PCCA: variants seen among roughly 807,000 people sequenced by gnomAD.
The protein encoded by PCCA is propionyl-CoA carboxylase alpha chain, mitochondrial.
Under a neutral mutation model 101.3 loss-of-function variants are expected in PCCA, and 74 were observed. The ratio of observed to expected loss-of-function variants is 0.73; its 90% CI spans 0.61 to 0.89. The LOEUF is 0.89. Ranked by LOEUF, PCCA falls within the 40% of genes least tolerant of loss-of-function variation. PCCA has a pLI of 0.00. For synonymous variants in PCCA, 294 were observed against 313.6 expected, an observed-to-expected ratio of 0.94 and a Z score of 0.66; for missense variants, 891 against 907.0, an observed-to-expected ratio of 0.98 and a Z score of 0.23.
chr13:100,251,939 T>TC (rs1203569984), intron 8 of PCCA, among the ~76,000 whole-genome samples: 4 of 152,064 alleles, frequency 2.6e-5, no homozygotes, highest in East Asian at 1.9e-4. Context: ...CATGAAGAAC[T>TC]CCCCCCGCCA....
At chr13:100,184,947 T>G (rs2057123345) in intron 6 of PCCA, among the ~76,000 whole-genome samples, 1 of 152,242 alleles carries the variant, frequency 6.6e-6, no homozygotes, top group Admixed American at 6.5e-5. Flanking sequence ...TTAACTGAAA[T>G]CTATCTGTTT....
At position 100,307,229 on chromosome 13, in the gene PCCA, T is replaced by C. The variant is rs763908302; in HGVS notation, c.1322T>C (p.Ile441Thr). The change falls in exon 15 of 24, where the codon ATT (isoleucine) becomes ACT (threonine). Residue 441 changes from isoleucine (I) to threonine (T), a missense_variant. Transcript: ENST00000376285. ...VDSGIQPGSD[I>T]SIYYDPMISK... ...AGTGGCATCCAACCAGGAAGTGATATTAGCATTTATTATGATCCTATGATT... is the reference window on the plus strand; with the variant it reads ...AGTGGCATCCAACCAGGAAGTGATACTAGCATTTATTATGATCCTATGATT... 1 of 1,609,364 alleles carries C rather than the reference T, an allele frequency of 6.2e-7. No individual in the cohort carries two copies. The highest frequency in any genetic ancestry group is 2.2e-5 in the East Asian group (1 of 44,830).
chr13:100,169,080 C>G (rs761319576), intron 6 of PCCA, among the ~76,000 whole-genome samples: 28 of 152,052 alleles, frequency 1.8e-4, no homozygotes, highest in Non-Finnish European at 3.7e-4. Flanking sequence ...AATTTAGAAA[C>G]AAAACCCTCT....
At chr13:100,131,782 C>G (rs1472552196) in intron 4 of PCCA, among the ~76,000 whole-genome samples, 1 of 152,164 alleles carries the variant, frequency 6.6e-6, no homozygotes, top group African/African-American at 2.4e-5. Context: ...TGAAGATGCT[C>G]CACATCTTTT....
At chr13:100,363,691 T>G (rs2074876600) in intron 18 of PCCA, among the ~76,000 whole-genome samples, 2 of 152,202 alleles carry the variant, frequency 1.3e-5, no homozygotes. Context: ...TAGCATTGTT[T>G]TAACTCAGTA....
intron 22 of PCCA, among the ~76,000 whole-genome samples, chr13:100,525,600 C>T (rs968820455): frequency 3.9e-5 from 6 of 152,378 alleles, no homozygotes; most frequent in South Asian, 4.1e-4. Flanking sequence ...GAGTTGCTAA[C>T]GCACTCACTT....
Position 100,251,546 on chromosome 13 carries a change from A to G in PCCA, c.638-6049A>G, listed in dbSNP as rs367956458. The stretch of plus-strand genomic sequence containing the variant: ...TCTTTGTCTTTATGTTTTTTTAATC[A>G]TTGTGCAGTGAACAATGTAGATATT... On this transcript the variant is annotated intron_variant, in intron 8 of 23. Transcript: ENST00000376285. Among the ~76,000 whole-genome samples the G allele has an allele frequency of 3.1e-3, 465 of 152,322 alleles. 4 individuals carry two copies. Among genetic ancestry groups the G allele is most frequent in the South Asian group, 5.0e-3 (24 of 4,830 alleles).
chr13:100,104,964 A>C (rs1376925647), intron 2 of PCCA, among the ~76,000 whole-genome samples: 1 of 152,070 alleles, frequency 6.6e-6, no homozygotes, highest in Non-Finnish European at 1.5e-5. Context: ...CAGCCTCCCA[A>C]AGTGTTGGGA....
intron 19 of PCCA, among the ~76,000 whole-genome samples, chr13:100,374,474 A>C (rs879446389): frequency 1.3e-5 from 2 of 152,026 alleles, no homozygotes; most frequent in African/African-American, 4.8e-5. Context: ...TGGTCAAAAT[A>C]GTTTTTGGCC....
At chr13:100,303,262 T>G (rs2066203316) in intron 14 of PCCA, among the ~76,000 whole-genome samples, 1 of 152,166 alleles carries the variant, frequency 6.6e-6, no homozygotes, top group African/African-American at 2.4e-5. Context: ...TCGAAAATTA[T>G]AATAAAAAAG....
At chr13:100,204,778 G>A (rs2152470631) in intron 6 of PCCA, among the ~76,000 whole-genome samples, 1 of 152,204 alleles carries the variant, frequency 6.6e-6, no homozygotes, top group East Asian at 1.9e-4. Context: ...AGTGATTTCA[G>A]CTTTTCATAA....
intron 12 of PCCA, among the ~76,000 whole-genome samples, chr13:100,297,072 A>G (rs1392348338): frequency 6.6e-6 from 1 of 152,178 alleles, no homozygotes; most frequent in Non-Finnish European, 1.5e-5. Context: ...TTTCTCATGT[A>G]CTAGATTCAG....
At chr13:100,272,976 G>A (rs1311158278) in intron 11 of PCCA, among the ~76,000 whole-genome samples, 2 of 152,118 alleles carry the variant, frequency 1.3e-5, no homozygotes, top group Non-Finnish European at 2.9e-5. Context: ...AAGTTCAAAT[G>A]TTTTATACAA....
At chr13:100,352,693 C>CT (rs1160113514) in intron 18 of PCCA, among the ~76,000 whole-genome samples, 1 of 151,458 alleles carries the variant, frequency 6.6e-6, no homozygotes, top group Non-Finnish European at 1.5e-5. Flanking sequence ...CACACCCAGC[C>CT]TTTTTTTGTA....
At position 100,516,699 on chromosome 13, in the gene PCCA, C is replaced by T. The variant is rs569072024; in HGVS notation, c.2040+1132C>T. On this transcript the variant is annotated intron_variant, in intron 22 of 23. Transcript: ENST00000376285. ...CCTCTTTAAGACTGTCTAATGCCCA[C>T]GTGTTAAGGATTTGGGAGAGGCCAT... Among the ~76,000 whole-genome samples the T allele has an allele frequency of 7.9e-5, 12 of 151,368 alleles. No homozygotes were observed. In the East Asian group the frequency reaches 1.2e-3, roughly 15 times the overall value.
intron 22 of PCCA, among the ~76,000 whole-genome samples, chr13:100,524,987 A>G (rs11069401): frequency 0.12 from 6,533 of 56,210 alleles, 320 homozygotes; most frequent in African/African-American, 0.23. Context: ...TAAGATGGAT[A>G]GATAGATAGA....
chr13:100,459,156 T>C (rs977984045), intron 21 of PCCA, among the ~76,000 whole-genome samples: 1 of 152,146 alleles, frequency 6.6e-6, no homozygotes, highest in East Asian at 1.9e-4. Flanking sequence ...GTGTGTTCAT[T>C]CACATAAATC....
intron 19 of PCCA, among the ~76,000 whole-genome samples, chr13:100,391,653 G>C (rs897269741): frequency 6.6e-6 from 1 of 152,000 alleles, no homozygotes; most frequent in Non-Finnish European, 1.5e-5. Context: ...TTAAACTATG[G>C]GTTTCGATTT....
chr13:100,097,402 A>G (rs2046864360), intron 1 of PCCA, among the ~76,000 whole-genome samples: 1 of 152,108 alleles, frequency 6.6e-6, no homozygotes, highest in Non-Finnish European at 1.5e-5. Flanking sequence ...ATTTTATGGT[A>G]TGTGAATTAC....
Sources: gnomAD v4.1 joint callset for allele counts (sites outside exome capture counted in the v4.1 genomes callset) on GRCh38, gnomAD v4.1.1 for gene constraint, MANE v1.5 for transcripts, NCBI Gene and HGNC (gene_info 2026-07-23, HGNC 2026-07-21) for gene names.